EXTL1: variants seen among roughly 807,000 people sequenced by gnomAD.
EXTL1 encodes the protein exostosin-like 1.
A neutral mutation model predicts 64.6 loss-of-function variants in EXTL1; 43 were observed. The observed-to-expected ratio is 0.67, with a 90% CI of 0.52 to 0.86. The LOEUF (loss-of-function observed/expected upper bound fraction) is 0.86, where lower values mean the gene tolerates loss of function less well. Among genes scored for constraint, EXTL1 ranks in the 40% least tolerant of loss-of-function variants. The probability of loss-of-function intolerance (pLI) is 0.00; values close to 1 mark genes in which losing one functional copy is unlikely to be tolerated. For missense variants in EXTL1, 766 were observed against 879.0 expected (o/e 0.87, Z 1.62); for synonymous variants, 352 against 360.5 (o/e 0.98, Z 0.27).
At position 26,023,060 on chromosome 1, in the gene EXTL1, C is replaced by A. The variant is rs138654516; in HGVS notation, c.414C>A (p.Ser138Arg). Residue 138 changes from serine to arginine, a missense_variant, in exon 1 of 11, where the codon AGC becomes AGA. By Grantham distance (110) the Ser-to-Arg change is moderately radical. This residue lies in a region of EXTL1 where 571 missense variants were observed against 647.6 expected (regional missense o/e 0.88). Coordinates refer to ENST00000374280, the MANE Select transcript of EXTL1 (RefSeq NM_004455.3). ...PAGACLLLLL[S>R]LDAQTGECSS... ...GGGCCTGCCTCCTCCTCCTCCTCAG[C>A]CTGGACGCCCAGACTGGAGAGTGCA... 4 of 1,613,640 alleles carry A rather than the reference C, an allele frequency of 2.5e-6. No individual in the cohort carries two copies. Among genetic ancestry groups the A allele is most frequent in the Non-Finnish European group, 3.4e-6 (4 of 1,179,844 alleles).
At position 26,023,020 on chromosome 1, in the gene EXTL1, C is replaced by T. The variant is rs1446502335; in HGVS notation, c.374C>T (p.Thr125Ile). The change falls in exon 1 of 11, where the codon ACA becomes ATA. Residue 125 changes from threonine to isoleucine, a missense_variant. Thr to Ile is a moderately conservative substitution (Grantham distance 89). Around this residue, in one of 3 missense-constraint regions of EXTL1, gnomAD observed 571 missense variants for 647.6 expected, o/e 0.88. Coordinates refer to ENST00000374280, the MANE Select transcript of EXTL1 (RefSeq NM_004455.3). ...LASIEGSRFY[T>I]FSPAGACLLL... ...TCCATTGAGGGCTCTCGCTTCTACA[C>T]ATTCAGCCCTGCTGGGGCCTGCCTC... 5.0e-6 allele frequency: 8 copies of T among 1,614,086 alleles called. No homozygotes were observed. Among genetic ancestry groups the T allele is most frequent in the Non-Finnish European group, 6.8e-6 (8 of 1,180,046 alleles).
Position 26,033,604 on chromosome 1 carries a change from C to T in EXTL1, c.1519-92C>T. 1 of 1,368,894 alleles carries T rather than the reference C, an allele frequency of 7.3e-7. No homozygotes were observed. Among genetic ancestry groups the T allele is most frequent in the Non-Finnish European group, 1.0e-6 (1 of 978,488 alleles). The allele number at this position is 1,368,894 out of a possible 1,614,324, so 84.8% of individuals were successfully genotyped here. On this transcript the variant is annotated intron_variant, in intron 8 of 10. Coordinates refer to ENST00000374280, the MANE Select transcript of EXTL1 (RefSeq NM_004455.3). The surrounding 1 kb of genome is among the most constrained non-coding windows in gnomAD (Gnocchi z 5.1). ...CCCTCTCCCCTGAGTCCTGCCCGGG[C>T]CCCTCAGCCAGGCTGCCCCTGCCTC...
Position 26,031,455 on chromosome 1 carries a change from C to T in EXTL1, c.1235-5C>T, listed in dbSNP as rs777402689. ...ACTCTAATAGCCTGTGTCTCATTCCCCCAGGCTCCCGCCCTGAGGGCAGAT... is the reference window on the plus strand; with the variant it reads ...ACTCTAATAGCCTGTGTCTCATTCCTCCAGGCTCCCGCCCTGAGGGCAGAT... On this transcript the variant is annotated splice_region_variant and splice_polypyrimidine_tract_variant and intron_variant, in intron 5 of 10. Coordinates refer to ENST00000374280, the MANE Select transcript of EXTL1 (RefSeq NM_004455.3). The T allele has an allele frequency of 3.2e-6, 5 of 1,540,922 alleles. No homozygotes were observed. The East Asian group carries it at 7.1e-5, about 22-fold the overall frequency.
At position 26,033,266 on chromosome 1, in the gene EXTL1, CA is replaced by C; in HGVS notation, c.1470del (p.Asp491MetfsTer35). ...TTCTACCCATATAGCACCATCAGAA[CA>C]GATGCCATCCTCAGCCTCGATGCCC... ...DRFYPYSTIR[T>X]DAILSLDARS... On this transcript the variant is annotated frameshift_variant, in exon 8 of 11. Transcript: ENST00000374280. LOFTEE classifies it high-confidence loss of function. This position sits in a 1 kb window ranked among gnomAD's most constrained non-coding sequence, Gnocchi z 5.1. 1 of 1,614,120 alleles carries C rather than the reference CA, an allele frequency of 6.2e-7. No individual in the cohort carries two copies. The highest frequency in any genetic ancestry group is 8.5e-7 in the Non-Finnish European group (1 of 1,179,994).
At chr1:26,031,377 G>GC in intron 5 of EXTL1, 83 bp from the exon 6 acceptor site, 2 of 1,419,752 alleles carry the variant, frequency 1.4e-6, no homozygotes, top group Non-Finnish European at 1.9e-6. Flanking sequence ...ATTTTTCCTG[G>GC]CCCCCGGGGA....
Position 26,033,174 on chromosome 1 carries a change from A to ATGGGGG in EXTL1, c.1432-48_1432-43dup. The ATGGGGG allele has an allele frequency of 7.9e-7, 1 of 1,269,032 alleles. No homozygotes were observed. Among genetic ancestry groups the ATGGGGG allele is most frequent in the Non-Finnish European group, 1.2e-6 (1 of 866,798 alleles). The allele number at this position is 1,269,032 out of a possible 1,614,324, so 78.6% of individuals were successfully genotyped here. On this transcript the variant is annotated intron_variant, in intron 7 of 10. Transcript: ENST00000374280. The surrounding 1 kb of genome is among the most constrained non-coding windows in gnomAD (Gnocchi z 5.1). Reference sequence around the variant, plus strand: ...TGCCTGAATGGCTCCTACTTATTGGATGGGGGTGGGGGGAATGTTCCAATG... The same window carrying ATGGGGG: ...TGCCTGAATGGCTCCTACTTATTGGATGGGGGTGGGGGTGGGGGGAATGTTCCAATG...
chr1:26,024,511 G>C (rs967948513), intron 1 of EXTL1, among the ~76,000 whole-genome samples: 1 of 152,010 alleles, frequency 6.6e-6, no homozygotes, highest in South Asian at 2.1e-4. Flanking sequence ...GACTTCTCTC[G>C]GCCAAAGGGC....
chr1:26,034,818 T>G lies in EXTL1; in HGVS notation c.1680-18T>G, dbSNP rs768340071. On this transcript the variant is annotated intron_variant, in intron 9 of 10. Coordinates refer to ENST00000374280, the MANE Select transcript of EXTL1 (RefSeq NM_004455.3). This position sits in a 1 kb window ranked among gnomAD's most constrained non-coding sequence, Gnocchi z 4.6. ...TGGATTTGGCTGCAGCCTCTCCCTG[T>G]CTTTTCCTCTTGCCCAGGTATTACC... 3.1e-6 allele frequency: 5 copies of G among 1,609,186 alleles called. No homozygotes were observed. The highest frequency in any genetic ancestry group is 1.3e-5 in the African/African-American group (1 of 74,944).
intron 3 of EXTL1, 128 bp from the exon 4 acceptor site, chr1:26,030,348 T>G: frequency 1.5e-6 from 1 of 652,846 alleles, no homozygotes; most frequent in Non-Finnish European, 2.3e-6. Context: ...TTTTTTTTTT[T>G]TTGAGATAGG....
chr1:26,029,536 C>A, intron 2 of EXTL1, 64 bp from the exon 3 acceptor site: 1 of 987,592 alleles, frequency 1.0e-6, no homozygotes, highest in Non-Finnish European at 1.6e-6. Context: ...TGACTTGGAA[C>A]TGGGCGGGGG....
intron 3 of EXTL1, 132 bp from the exon 4 acceptor site, chr1:26,030,330 CTTTTTTTTTTTTTT>C: frequency 2.6e-6 from 1 of 381,536 alleles, no homozygotes; most frequent in Non-Finnish European, 4.4e-6. Context: ...CTGAATGCTT[CTTTTTTTTTTTTTT>C]TTTTTTGAGA....
Position 26,025,391 on chromosome 1 carries a change from C to G in EXTL1, c.779+1966C>G, listed in dbSNP as rs143328528. On this transcript the variant is annotated intron_variant, in intron 1 of 10. Coordinates refer to ENST00000374280, the MANE Select transcript of EXTL1 (RefSeq NM_004455.3). This position sits in a 1 kb window ranked among gnomAD's most constrained non-coding sequence, Gnocchi z 5.3. ...GTCACTGCTGATCCTGTCATGCACC[C>G]TTCAAGGGAGGTATTATTATCTCCA... 1.4e-4 allele frequency among the ~76,000 whole-genome samples: 22 copies of G among 152,312 alleles called. No homozygotes were observed. The highest frequency in any genetic ancestry group is 5.3e-4 in the African/African-American group (22 of 41,560).
Position 26,031,565 on chromosome 1 carries a change from AG to A in EXTL1, c.1341+1del. The A allele has an allele frequency of 6.4e-7, 1 of 1,563,932 alleles. No homozygotes were observed. Among genetic ancestry groups the A allele is most frequent in the South Asian group, 1.2e-5 (1 of 84,894 alleles). On this transcript the variant is annotated frameshift_variant and splice_region_variant, in exon 6 of 11. Transcript: ENST00000374280. LOFTEE classifies it high-confidence loss of function. Reference sequence around the variant, plus strand: ...GTGGCAGGCTCCCAGCACTGTGCCCAGGTCTGCCCCCTTCCCAGCTGGAGTC... The same window carrying A: ...GTGGCAGGCTCCCAGCACTGTGCCCAGTCTGCCCCCTTCCCAGCTGGAGTC... ...QAVAGSQHCA[Q>X]ILVLWSNERP...
In EXTL1 at chr1:26,035,091, T is replaced by C; in HGVS notation, c.1849-74T>C. 6.3e-7 allele frequency: 1 copy of C among 1,593,066 alleles called. No individual in the cohort carries two copies. Among genetic ancestry groups the C allele is most frequent in the Non-Finnish European group, 8.6e-7 (1 of 1,165,582 alleles). On this transcript the variant is annotated intron_variant, in intron 10 of 10. Coordinates refer to ENST00000374280, the MANE Select transcript of EXTL1 (RefSeq NM_004455.3). The surrounding 1 kb of genome is among the most constrained non-coding windows in gnomAD (Gnocchi z 5.3). ...TCCCTCTCACTGTCTAATTCCAGTCTTTCTTGCTGCACGGGCGTGGGGAGT... is the reference window on the plus strand; with the variant it reads ...TCCCTCTCACTGTCTAATTCCAGTCCTTCTTGCTGCACGGGCGTGGGGAGT...
Position 26,030,472 on chromosome 1 carries a change from C to T in EXTL1, c.982-4C>T. On this transcript the variant is annotated splice_region_variant and splice_polypyrimidine_tract_variant and intron_variant, in intron 3 of 10. Coordinates refer to ENST00000374280, the MANE Select transcript of EXTL1 (RefSeq NM_004455.3). The stretch of plus-strand genomic sequence containing the variant: ...CCTGGCACTTTTCTCCCTCTCTGCT[C>T]CAGGTCCTGGCTGCCCTCCAGGAGA... 2 of 1,608,978 alleles carry T rather than the reference C, an allele frequency of 1.2e-6. No homozygotes were observed. The highest frequency in any genetic ancestry group is 8.5e-7 in the Non-Finnish European group (1 of 1,177,108).
intron 1 of EXTL1, among the ~76,000 whole-genome samples, chr1:26,027,064 A>C (rs2050224404): frequency 6.6e-6 from 1 of 152,102 alleles, no homozygotes; most frequent in African/African-American, 2.4e-5. Flanking sequence ...TCCCAGATCT[A>C]TTCCCTAGTG....
At chr1:26,024,423 A>G (rs776864780) in intron 1 of EXTL1, among the ~76,000 whole-genome samples, 3 of 151,942 alleles carry the variant, frequency 2.0e-5, no homozygotes, top group Admixed American at 6.5e-5. Context: ...CTCTCTCCCT[A>G]TTCTCTGCTC....
At position 26,022,686 on chromosome 1, in the gene EXTL1, C is replaced by A; in HGVS notation, c.40C>A (p.Leu14Met). 1 of 1,611,674 alleles carries A rather than the reference C, an allele frequency of 6.2e-7. No individual in the cohort carries two copies. The highest frequency in any genetic ancestry group is 8.5e-7 in the Non-Finnish European group (1 of 1,178,760). Residue 14 changes from leucine to methionine, a missense_variant, in exon 1 of 11, where the codon CTG becomes ATG. Around this residue, in one of 3 missense-constraint regions of EXTL1, gnomAD observed 571 missense variants for 647.6 expected, o/e 0.88. Transcript: ENST00000374280. ...WRRRKSLWLA[L>M]SASWLLLVLL... ...GAGAAGAAAGTCCCTGTGGCTGGCA[C>A]TGTCAGCCTCCTGGCTCCTGCTTGT...
rs768768847 is a variant in EXTL1, at chr1:26,035,267, C to T, written c.1951C>T (p.Arg651Cys). Residue 651 changes from arginine to cysteine, a missense_variant, in exon 11 of 11, where the codon CGT becomes TGT. Physicochemically the swap from Arg to Cys is radical, Grantham distance 180. Coordinates refer to ENST00000374280, the MANE Select transcript of EXTL1 (RefSeq NM_004455.3). The surrounding 1 kb of genome is among the most constrained non-coding windows in gnomAD (Gnocchi z 5.3). The part of the protein sequence containing the change: ...AFGHMPLLSS[R>C]LRLDPVLFKD... The stretch of plus-strand genomic sequence containing the variant: ...CGGCCACATGCCCTTGCTGTCCTCT[C>T]GTCTGCGTCTGGACCCGGTGCTGTT... 1.2e-6 allele frequency: 2 copies of T among 1,613,672 alleles called. No individual in the cohort carries two copies. Among genetic ancestry groups the T allele is most frequent in the African/African-American group, 1.3e-5 (1 of 75,060 alleles).
Sources: allele counts gnomAD v4.1 joint callset (sites outside exome capture counted in the v4.1 genomes callset), GRCh38; gene constraint gnomAD v4.1.1; regional missense constraint gnomAD v4.1.1; non-coding constraint Gnocchi (gnomAD v3.1); transcripts MANE v1.5; gene names NCBI Gene and HGNC (gene_info 2026-07-23, HGNC 2026-07-21).